Variants in CNTN3 observed in about 807,000 individuals in gnomAD.
CNTN3 encodes the protein contactin-3.
Under a neutral mutation model 119.1 loss-of-function variants are expected in CNTN3, and 60 were observed. The ratio of observed to expected loss-of-function variants is 0.50; its 90% CI spans 0.41 to 0.62. The LOEUF is 0.62. CNTN3 is among the 20% of genes least tolerant of loss of function. The probability of loss-of-function intolerance (pLI) is 0.00; values close to 1 mark genes in which losing one functional copy is unlikely to be tolerated. For missense variants in CNTN3, 1,101 were observed against 1,242.4 expected (o/e 0.89, Z 1.71); for synonymous variants, 450 against 438.7 (o/e 1.03, Z -0.32).
chr3:74,486,347 A>T, intron 4 of CNTN3, 109 bp downstream of exon 4: 1 of 949,068 alleles, frequency 1.1e-6, no homozygotes, highest in African/African-American at 1.7e-5. Flanking sequence ...CAGTCTATTT[A>T]CTGAATTAAT....
chr3:74,372,426 G>A lies in CNTN3; in HGVS notation c.455-1027C>T, dbSNP rs193180997. ...GATAATGAGGGCTAGATAATAATAT[G>A]CCACTTTGTTCTGGAGGCCCAGGTT... On this transcript the variant is annotated intron_variant, in intron 5 of 22. Transcript: ENST00000263665. Among the ~76,000 whole-genome samples the A allele has an allele frequency of 1.7e-3, 261 of 152,034 alleles. 1 individual carries two copies. The highest frequency in any genetic ancestry group is 5.4e-3 in the African/African-American group (225 of 41,460).
At chr3:74,574,369 G>A (rs1704381120) in intron 1 of CNTN3, among the ~76,000 whole-genome samples, 1 of 152,158 alleles carries the variant, frequency 6.6e-6, no homozygotes, top group African/African-American at 2.4e-5. Flanking sequence ...AGATAGTGGT[G>A]ATGGTTGTCA....
intron 1 of CNTN3, among the ~76,000 whole-genome samples, chr3:74,548,156 TA>T (rs1468314011): frequency 6.6e-6 from 1 of 152,166 alleles, no homozygotes; most frequent in African/African-American, 2.4e-5. Flanking sequence ...TCTATTTTTA[TA>T]ACAAATCAGA....
intron 1 of CNTN3, among the ~76,000 whole-genome samples, chr3:74,566,407 C>A (rs1471637903): frequency 6.6e-6 from 1 of 152,172 alleles, no homozygotes. Flanking sequence ...GAAATGTATT[C>A]TCTCAATGTT....
chr3:74,486,470 T>C lies in CNTN3; in HGVS notation c.344A>G (p.Lys115Arg). Residue 115 changes from lysine (K) to arginine (R), a missense_variant, in exon 4 of 23, where the codon AAA becomes AGA. By Grantham distance (26) the Lys-to-Arg change is conservative. Coordinates refer to ENST00000263665, the MANE Select transcript of CNTN3 (RefSeq NM_020872.3). ...SLGTIVSREA[K>R]LQFAYLENFK... ...CATAAACTTACAGGCAAACTGAAGT[T>C]TGGCTTCTCTGCTGACAATTGTTCC... 1.2e-6 allele frequency: 2 copies of C among 1,600,066 alleles called. No individual in the cohort carries two copies. Among genetic ancestry groups the C allele is most frequent in the Non-Finnish European group, 1.7e-6 (2 of 1,176,788 alleles).
At chr3:74,382,540 T>C (rs1704647568) in intron 5 of CNTN3, among the ~76,000 whole-genome samples, 1 of 151,878 alleles carries the variant, frequency 6.6e-6, no homozygotes, top group South Asian at 2.1e-4. Flanking sequence ...ACCACCAGCC[T>C]ATGGTAACCA....
chr3:74,509,487 G>A (rs1183401952), intron 2 of CNTN3, among the ~76,000 whole-genome samples: 1 of 151,990 alleles, frequency 6.6e-6, no homozygotes, highest in Admixed American at 6.6e-5. Flanking sequence ...TAGTAGAGAC[G>A]GGGTTTCGCC....
At chr3:74,317,024 A>G (rs1317994067) in intron 13 of CNTN3, among the ~76,000 whole-genome samples, 6 of 151,134 alleles carry the variant, frequency 4.0e-5, no homozygotes, top group African/African-American at 4.9e-5. Context: ...GTGCTCCTGT[A>G]TTGGGTGCAT....
chr3:74,402,196 G>A (rs577026597), intron 5 of CNTN3, among the ~76,000 whole-genome samples: 17 of 152,234 alleles, frequency 1.1e-4, no homozygotes, highest in East Asian at 1.9e-4. Context: ...TTACGGCTAC[G>A]TCCCAAAACC....
At chr3:74,458,361 C>G in intron 4 of CNTN3, among the ~76,000 whole-genome samples, 1 of 151,930 alleles carries the variant, frequency 6.6e-6, no homozygotes, top group East Asian at 1.9e-4. Flanking sequence ...ATGTTTTTGT[C>G]TGGTCTGAGA....
At chr3:74,460,868 T>C (rs1241343129) in intron 4 of CNTN3, among the ~76,000 whole-genome samples, 1 of 147,460 alleles carries the variant, frequency 6.8e-6, no homozygotes, top group Non-Finnish European at 1.5e-5. Flanking sequence ...GCCTAGAATT[T>C]CCAGTACTAT....
intron 18 of CNTN3, among the ~76,000 whole-genome samples, chr3:74,297,273 C>T (rs1702357937): frequency 6.6e-6 from 1 of 151,886 alleles, no homozygotes; most frequent in African/African-American, 2.4e-5. Context: ...CAAGCTGGAA[C>T]GTAGGAAGTG....
At chr3:74,459,214 A>G (rs1247516788) in intron 4 of CNTN3, among the ~76,000 whole-genome samples, 8 of 151,910 alleles carry the variant, frequency 5.3e-5, no homozygotes, top group South Asian at 2.1e-4. Flanking sequence ...GCCTCTTCCT[A>G]CATGTTTTTC....
chr3:74,297,318 G>C (rs1175932286), intron 18 of CNTN3, among the ~76,000 whole-genome samples: 1 of 151,476 alleles, frequency 6.6e-6, no homozygotes, highest in Non-Finnish European at 1.5e-5. Context: ...TGATGGTTAT[G>C]ATCTGAGACA....
chr3:74,300,748 A>C (rs1040655881), intron 16 of CNTN3, among the ~76,000 whole-genome samples: 3 of 152,208 alleles, frequency 2.0e-5, no homozygotes, highest in African/African-American at 7.2e-5. Flanking sequence ...CATTTTAGTT[A>C]ATATTAAATA....
chr3:74,486,373 T>C, intron 4 of CNTN3, 83 bp downstream of exon 4: 3 of 1,250,932 alleles, frequency 2.4e-6, no homozygotes, highest in Non-Finnish European at 3.4e-6. Context: ...CCATGTATTA[T>C]TTCTGAAATC....
intron 13 of CNTN3, among the ~76,000 whole-genome samples, chr3:74,331,959 CAAAT>C (rs1293247865): frequency 6.6e-6 from 1 of 152,130 alleles, no homozygotes; most frequent in Admixed American, 6.5e-5. Flanking sequence ...TTTTTTAAAA[CAAAT>C]GAATGGCTGT....
chr3:74,548,642 T>G (rs2107156855), intron 1 of CNTN3, among the ~76,000 whole-genome samples: 1 of 152,254 alleles, frequency 6.6e-6, no homozygotes, highest in East Asian at 1.9e-4. Context: ...AAAACTGACT[T>G]TAAGTGGAAC....
intron 5 of CNTN3, among the ~76,000 whole-genome samples, chr3:74,423,509 C>T (rs1354063047): frequency 1.3e-5 from 2 of 152,078 alleles, no homozygotes; most frequent in Admixed American, 6.6e-5. Flanking sequence ...CCCCACACCC[C>T]GTGGCGAGGC....
Sources: gnomAD v4.1 joint callset for allele counts (sites outside exome capture counted in the v4.1 genomes callset) on GRCh38, gnomAD v4.1.1 for gene constraint, MANE v1.5 for transcripts, NCBI Gene and HGNC (gene_info 2026-07-23, HGNC 2026-07-21) for gene names.